RAMP3: variants seen among roughly 807,000 people sequenced by gnomAD.
The protein encoded by RAMP3 is receptor activity modifying protein 3, also known as receptor activity-modifying protein 3.
A neutral mutation model predicts 13.5 loss-of-function variants in RAMP3; 14 were observed. The observed-to-expected ratio is 1.04, with a 90% CI of 0.69 to 1.63. The LOEUF is 1.63. Among genes scored for constraint, RAMP3 ranks in the 40% most tolerant of loss-of-function variants. The pLI is 0.00. For missense variants in RAMP3, 200 were observed against 204.8 expected, an observed-to-expected ratio of 0.98 and a Z score of 0.14; for synonymous variants, 106 against 88.3, an observed-to-expected ratio of 1.20 and a Z score of -1.12.
intron 1 of RAMP3, among the ~76,000 whole-genome samples, chr7:45,173,322 G>A (rs1786115920): frequency 6.6e-6 from 1 of 152,214 alleles, no homozygotes; most frequent in African/African-American, 2.4e-5. Flanking sequence ...AGGATATAGT[G>A]AGGCTTGTAT....
intron 1 of RAMP3, chr7:45,163,675 A>G (rs538582567): frequency 1.0e-6 from 1 of 985,466 alleles, no homozygotes; most frequent in African/African-American, 1.7e-5. Context: ...AACACACAGA[A>G]TCAGAATCAC....
intron 2 of RAMP3, 94 bp from the exon 3 acceptor site, chr7:45,183,063 C>T (rs1786349270): frequency 5.8e-6 from 9 of 1,543,766 alleles, no homozygotes; most frequent in African/African-American, 4.1e-5. Context: ...TGGGACTGTA[C>T]CCAAGCCACC....
chr7:45,166,051 A>G (rs1785954573), intron 1 of RAMP3, among the ~76,000 whole-genome samples: 1 of 152,210 alleles, frequency 6.6e-6, no homozygotes, highest in Middle Eastern at 3.2e-3. Flanking sequence ...GTGTAGTCAT[A>G]TGGTAACTCT....
At chr7:45,180,579 C>T (rs1316587536) in intron 2 of RAMP3, among the ~76,000 whole-genome samples, 1 of 152,228 alleles carries the variant, frequency 6.6e-6, no homozygotes, top group African/African-American at 2.4e-5. Flanking sequence ...AGCGTGTCCT[C>T]TCCTGGGAAC....
At chr7:45,178,816 G>T (rs758216390) in intron 2 of RAMP3, among the ~76,000 whole-genome samples, 1 of 152,238 alleles carries the variant, frequency 6.6e-6, no homozygotes, top group African/African-American at 2.4e-5. Flanking sequence ...GCCGTGGATT[G>T]GGAGGACAGG....
intron 1 of RAMP3, among the ~76,000 whole-genome samples, chr7:45,162,773 T>C (rs1785889315): frequency 6.6e-6 from 1 of 152,160 alleles, no homozygotes; most frequent in Non-Finnish European, 1.5e-5. Flanking sequence ...CCACTGGTTC[T>C]GTTTCTGAAT....
chr7:45,177,297 TC>T lies in RAMP3; in HGVS notation c.59-8del. ...AACTGTAGTGGAATTCTTATGGCTGTCCCCTCTCCAGGTGGGTGTCCCAGAG... is the reference window on the plus strand; with the variant it reads ...AACTGTAGTGGAATTCTTATGGCTGTCCCTCTCCAGGTGGGTGTCCCAGAG... On this transcript the variant is annotated splice_polypyrimidine_tract_variant and intron_variant, in intron 1 of 2. Coordinates refer to ENST00000242249, the MANE Select transcript of RAMP3 (RefSeq NM_005856.3). The T allele has an allele frequency of 6.2e-7, 1 of 1,613,944 alleles. No homozygotes were observed.
chr7:45,171,475 T>G (rs1214150561), intron 1 of RAMP3, among the ~76,000 whole-genome samples: 1 of 152,228 alleles, frequency 6.6e-6, no homozygotes, highest in Non-Finnish European at 1.5e-5. Context: ...ATTTCTAATT[T>G]TATTCCATTG....
At chr7:45,166,958 C>CTTTTT (rs202162694) in intron 1 of RAMP3, among the ~76,000 whole-genome samples, 10 of 101,258 alleles carry the variant, frequency 9.9e-5, no homozygotes, top group African/African-American at 2.7e-4. Context: ...GTCTTTGATG[C>CTTTTT]TTTTTTTTTT....
chr7:45,167,027 C>G (rs528263532), intron 1 of RAMP3, among the ~76,000 whole-genome samples: 1 of 142,970 alleles, frequency 7.0e-6, no homozygotes, highest in East Asian at 2.0e-4. Context: ...GTATGATCTC[C>G]GCTCACTGCA....
At chr7:45,172,508 C>G (rs570670519) in intron 1 of RAMP3, among the ~76,000 whole-genome samples, 5 of 152,328 alleles carry the variant, frequency 3.3e-5, no homozygotes, top group Non-Finnish European at 5.9e-5. Context: ...CAGAGTCTCA[C>G]TTTGTCACCC....
rs756936620 is a variant in RAMP3 at position 45,183,314 on chromosome 7, G to C, written c.349G>C (p.Glu117Gln). The change falls in exon 3 of 3, where the codon GAG becomes CAG. Residue 117 changes from glutamate (E) to glutamine (Q), a missense_variant. Coordinates refer to ENST00000242249, the MANE Select transcript of RAMP3 (RefSeq NM_005856.3). Reference sequence around the variant, plus strand: ...GGTCCACTTGGAGGACCCCCCAGACGAGGTTCTCATCCCGCTGATCGTTAT... The same window carrying C: ...GGTCCACTTGGAGGACCCCCCAGACCAGGTTCTCATCCCGCTGATCGTTAT... The part of the protein sequence containing the change: ...DRVHLEDPPD[E>Q]VLIPLIVIPV... 1 of 1,614,070 alleles carries C rather than the reference G, an allele frequency of 6.2e-7. No individual in the cohort carries two copies. Among genetic ancestry groups the C allele is most frequent in the East Asian group, 2.2e-5 (1 of 44,882 alleles).
intron 1 of RAMP3, among the ~76,000 whole-genome samples, chr7:45,177,035 C>T (rs1294942): frequency 0.37 from 56,855 of 152,226 alleles, 13,113 homozygotes; most frequent in Admixed American, 0.5. Context: ...GGCCCAGGGT[C>T]TCACTGCCTG....
rs149061729 is a variant in RAMP3 at position 45,181,496 on chromosome 7, G to C, written c.192-1661G>C. 7.1e-3 allele frequency among the ~76,000 whole-genome samples: 1,076 copies of C among 152,330 alleles called. 5 individuals are homozygous for C. Among genetic ancestry groups the C allele is most frequent in the Non-Finnish European group, 0.011 (759 of 68,026 alleles). ...ATCTCAGCCCTGGGGATGGTTGTTG[G>C]GGGGTGGCATTCCTGGGTAGCAGTT... On this transcript the variant is annotated intron_variant, in intron 2 of 2. Coordinates refer to ENST00000242249, the MANE Select transcript of RAMP3 (RefSeq NM_005856.3).
intron 1 of RAMP3, chr7:45,163,579 C>T: frequency 2.0e-6 from 2 of 985,404 alleles, no homozygotes; most frequent in Non-Finnish European, 2.4e-6. Context: ...AGGCTGGGGT[C>T]AGCAGTGGTG....
intron 1 of RAMP3, among the ~76,000 whole-genome samples, chr7:45,175,179 G>T (rs1786155247): frequency 6.6e-6 from 1 of 152,186 alleles, no homozygotes; most frequent in African/African-American, 2.4e-5. Context: ...GAACGTGGGG[G>T]TCAGGGACAT....
At chr7:45,171,542 CAT>C (rs1359576733) in intron 1 of RAMP3, among the ~76,000 whole-genome samples, 1 of 152,108 alleles carries the variant, frequency 6.6e-6, no homozygotes, top group African/African-American at 2.4e-5. Flanking sequence ...AACAAAGTCT[CAT>C]GTCTTTTTTG....
chr7:45,158,682 T>C (rs1042957689), intron 1 of RAMP3, among the ~76,000 whole-genome samples: 1 of 151,836 alleles, frequency 6.6e-6, no homozygotes, highest in African/African-American at 2.4e-5. Context: ...GGGACATTGG[T>C]GATGGAGGGC....
In RAMP3 at chr7:45,183,541, C is replaced by T. The variant is rs1218060724; in HGVS notation, c.*129C>T. 2 of 1,373,174 alleles carry T rather than the reference C, an allele frequency of 1.5e-6. No homozygotes were observed. The highest frequency in any genetic ancestry group is 2.9e-5 in the African/African-American group (2 of 70,072). The allele number at this position is 1,373,174 out of a possible 1,614,324, so 85.1% of individuals were successfully genotyped here. On this transcript the variant is annotated 3_prime_UTR_variant, in exon 3 of 3. Transcript: ENST00000242249. ...CACCCCACCTGGTCATGGGCAGACC[C>T]CTCCCTTCCTGGGCTGACCTGCTCC...
Sources: allele counts gnomAD v4.1 joint callset (sites outside exome capture counted in the v4.1 genomes callset), GRCh38; gene constraint gnomAD v4.1.1; transcripts MANE v1.5; gene names NCBI Gene and HGNC (gene_info 2026-07-23, HGNC 2026-07-21).